ADORA2B: variants seen among roughly 807,000 people sequenced by gnomAD.
ADORA2B encodes adenosine receptor A2b.
In ADORA2B, 18 loss-of-function variants were observed where a neutral mutation model predicts 20.8. The ratio of observed to expected loss-of-function variants is 0.87; its 90% CI spans 0.60 to 1.29. The LOEUF is 1.29. Among genes scored for constraint, ADORA2B ranks in the 50% most tolerant of loss-of-function variants. The probability of loss-of-function intolerance (pLI) is 0.00; values close to 1 mark genes in which losing one functional copy is unlikely to be tolerated. For missense variants in ADORA2B, 441 were observed against 422.7 expected (o/e 1.04, Z -0.38); for synonymous variants, 179 against 178.3 (o/e 1.00, Z -0.03).
chr17:15,951,501 G>C (rs1025861281), intron 1 of ADORA2B, among the ~76,000 whole-genome samples: 1 of 152,188 alleles, frequency 6.6e-6, no homozygotes, highest in African/African-American at 2.4e-5. Flanking sequence ...CACTTCCCAG[G>C]CCATGTAGCA....
chr17:15,957,130 A>C (rs72821747), intron 1 of ADORA2B, among the ~76,000 whole-genome samples: 1 of 152,340 alleles, frequency 6.6e-6, no homozygotes, highest in Non-Finnish European at 1.5e-5. Flanking sequence ...GGCCATGGAG[A>C]TGGCAGCAGA....
the ADORA2B span, among the ~76,000 whole-genome samples, chr17:15,925,832 G>A: frequency 6.6e-5 from 10 of 152,104 alleles, no homozygotes; most frequent in African/African-American, 2.4e-4. Context: ...TTAGCCAGGT[G>A]TGGTGGTGTG....
chr17:15,856,175 A>ATGGTTTTATAAGTGTTTGACAGTTCC, the ADORA2B span, among the ~76,000 whole-genome samples: 2 of 151,352 alleles, frequency 1.3e-5, no homozygotes, highest in Non-Finnish European at 2.9e-5. Context: ...ACGAGATCTG[A>ATGGTTTTATAAGTGTTTGACAGTTCC]TGGTTTTATA....
At chr17:15,969,177 G>A (rs1358723578) in intron 1 of ADORA2B, among the ~76,000 whole-genome samples, 1 of 152,138 alleles carries the variant, frequency 6.6e-6, no homozygotes, top group South Asian at 2.1e-4. Flanking sequence ...TTGGCCGGGC[G>A]TGGAGGCTCA....
intron 1 of ADORA2B, among the ~76,000 whole-genome samples, chr17:15,952,025 C>T (rs1969910987): frequency 6.6e-6 from 1 of 152,204 alleles, no homozygotes; most frequent in Non-Finnish European, 1.5e-5. Flanking sequence ...CGCCTGGCCT[C>T]ATGCTGTGGA....
Position 15,970,699 on chromosome 17 carries a change from C to G in ADORA2B, c.336-3980C>G, listed in dbSNP as rs142117756. ...AGTACCTCACAGTGTTATCAGCAATCGAAACATTTAATTATCTTTTGAAAC... is the reference window on the plus strand; with the variant it reads ...AGTACCTCACAGTGTTATCAGCAATGGAAACATTTAATTATCTTTTGAAAC... On this transcript the variant is annotated intron_variant, in intron 1 of 1. Transcript: ENST00000304222. 9.7e-3 allele frequency among the ~76,000 whole-genome samples: 1,475 copies of G among 152,250 alleles called. 14 individuals carry two copies. Among genetic ancestry groups the G allele is most frequent in the Non-Finnish European group, 0.016 (1,082 of 68,012 alleles).
chr17:15,956,590 C>CTT lies in ADORA2B; in HGVS notation c.335+11030_335+11031dup, dbSNP rs11290214. 3.1e-3 allele frequency among the ~76,000 whole-genome samples: 161 copies of CTT among 51,364 alleles called. 2 individuals are homozygous for CTT. The highest frequency in any genetic ancestry group is 7.8e-3 in the African/African-American group (118 of 15,166). 33.7% of individuals were successfully genotyped at this position (51,364 alleles called of 152,430 possible). A position where few individuals can be genotyped will look rare whatever the true frequency, so the allele number is the denominator to read the frequency against. On this transcript the variant is annotated intron_variant, in intron 1 of 1. Coordinates refer to ENST00000304222, the MANE Select transcript of ADORA2B (RefSeq NM_000676.4). ...CTTTTTTTAGGATGATTATGTGTGT[C>CTT]TTTTTTTTTTTTTTTTTTTTTTTTG... is the stretch of plus-strand genomic sequence containing the variant.
chr17:15,855,997 C>G, the ADORA2B span, among the ~76,000 whole-genome samples: 12,217 of 151,484 alleles, frequency 0.081, 1,366 homozygotes, highest in African/African-American at 0.25. Flanking sequence ...CTCTGCTTCT[C>G]TGAGTTTGAC....
chr17:15,938,231 AAAGG>A, the ADORA2B span, among the ~76,000 whole-genome samples: 2 of 152,128 alleles, frequency 1.3e-5, no homozygotes, highest in African/African-American at 4.8e-5. Context: ...GAAGGAAAGG[AAAGG>A]AAGGAAGGAA....
At chr17:15,905,802 C>T in the ADORA2B span, among the ~76,000 whole-genome samples, 1 of 152,098 alleles carries the variant, frequency 6.6e-6, no homozygotes, top group South Asian at 2.1e-4. Flanking sequence ...ACTATAGGGA[C>T]GTGCCCCCAT....
chr17:15,864,679 G>T, the ADORA2B span, among the ~76,000 whole-genome samples: 5 of 152,152 alleles, frequency 3.3e-5, no homozygotes, highest in African/African-American at 7.2e-5. Flanking sequence ...TGGTTGTCTT[G>T]AGTAATGGGC....
the ADORA2B span, among the ~76,000 whole-genome samples, chr17:15,893,467 G>A: frequency 6.7e-6 from 1 of 149,114 alleles, no homozygotes; most frequent in Admixed American, 6.7e-5. Flanking sequence ...AAGATAATCA[G>A]CCCTTCCTTC....
intron 1 of ADORA2B, among the ~76,000 whole-genome samples, chr17:15,946,071 A>G (rs574093372): frequency 6.6e-6 from 1 of 152,286 alleles, no homozygotes; most frequent in East Asian, 1.9e-4. Flanking sequence ...GGGCAAGGCA[A>G]CTTTGGACGC....
At chr17:15,972,416 C>T (rs1970200036) in intron 1 of ADORA2B, among the ~76,000 whole-genome samples, 1 of 152,194 alleles carries the variant, frequency 6.6e-6, no homozygotes, top group Non-Finnish European at 1.5e-5. Context: ...TAATACATTA[C>T]ATTGATTATG....
At chr17:15,948,025 T>C (rs1052330615) in intron 1 of ADORA2B, among the ~76,000 whole-genome samples, 3 of 152,064 alleles carry the variant, frequency 2.0e-5, no homozygotes, top group African/African-American at 7.2e-5. Flanking sequence ...AGAGTAAAGT[T>C]GGAAGTGCCC....
At chr17:15,921,932 T>C in the ADORA2B span, among the ~76,000 whole-genome samples, 1 of 152,216 alleles carries the variant, frequency 6.6e-6, no homozygotes, top group Non-Finnish European at 1.5e-5. Flanking sequence ...CTTTCTGTTA[T>C]ATTTCATTAG....
At chr17:15,972,511 G>A (rs1257234616) in intron 1 of ADORA2B, among the ~76,000 whole-genome samples, 2 of 152,162 alleles carry the variant, frequency 1.3e-5, no homozygotes, top group African/African-American at 4.8e-5. Context: ...ATAGACTAGT[G>A]TATAGCAAAA....
At chr17:15,866,470 G>GT in the ADORA2B span, among the ~76,000 whole-genome samples, 1 of 150,974 alleles carries the variant, frequency 6.6e-6, no homozygotes, top group African/African-American at 2.4e-5. Context: ...ACCTGCTCAG[G>GT]TTTTTTGCCC....
the ADORA2B span, among the ~76,000 whole-genome samples, chr17:15,877,998 G>C: frequency 1.3e-5 from 2 of 151,836 alleles, no homozygotes; most frequent in Non-Finnish European, 2.9e-5. Flanking sequence ...TAATGCTTTT[G>C]GGGGAAAAAA....
Sources: gnomAD v4.1 joint callset for allele counts (sites outside exome capture counted in the v4.1 genomes callset) on GRCh38, gnomAD v4.1.1 for gene constraint, MANE v1.5 for transcripts, NCBI Gene and HGNC (gene_info 2026-07-23, HGNC 2026-07-21) for gene names.